The following DNAJA2 variants were observed in gnomAD, a reference collection of about 807,000 sequenced individuals.
DNAJA2 encodes the protein dnaJ homolog subfamily A member 2.
In DNAJA2, 6 loss-of-function variants were observed where a neutral mutation model predicts 49.3. The observed-to-expected ratio is 0.12, with a 90% CI of 0.07 to 0.24. The LOEUF (loss-of-function observed/expected upper bound fraction) is 0.24, where lower values mean the gene tolerates loss of function less well. Ranked by LOEUF, DNAJA2 falls within the 10% of genes least tolerant of loss-of-function variation. The probability of loss-of-function intolerance (pLI) is 1.00; values close to 1 mark genes in which losing one functional copy is unlikely to be tolerated. For missense variants in DNAJA2, 347 were observed against 516.8 expected, an observed-to-expected ratio of 0.67 and a Z score of 3.19; for synonymous variants, 160 against 172.7, an observed-to-expected ratio of 0.93 and a Z score of 0.58.
At chr16:46,960,885 T>G (rs1007670000) in intron 6 of DNAJA2, among the ~76,000 whole-genome samples, 2 of 151,958 alleles carry the variant, frequency 1.3e-5, no homozygotes, top group Non-Finnish European at 2.9e-5. Flanking sequence ...AAACATAAAC[T>G]AGGCTAGTTG....
intron 3 of DNAJA2, 109 bp downstream of exon 3, chr16:46,971,240 T>C: frequency 1.1e-6 from 1 of 891,326 alleles, no homozygotes; most frequent in Non-Finnish European, 1.6e-6. Context: ...CAAATGGAAG[T>C]TTTTCTAATG....
At chr16:46,966,601 A>T (rs1436945913) in intron 5 of DNAJA2, among the ~76,000 whole-genome samples, 1 of 152,190 alleles carries the variant, frequency 6.6e-6, no homozygotes, top group Non-Finnish European at 1.5e-5. Context: ...TGTTTTTATA[A>T]TTAAAATTTT....
rs1167350658 is a variant in DNAJA2, at chr16:46,973,672, A to G, written c.-100T>C. 3.1e-6 allele frequency: 4 copies of G among 1,275,170 alleles called. No individual in the cohort carries two copies. The highest frequency in any genetic ancestry group is 4.2e-5 in the Admixed American group (2 of 47,626). 79.0% of individuals were successfully genotyped at this position (1,275,170 alleles called of 1,614,324 possible). Reference sequence around the variant, plus strand: ...GGCGGCGGCACAGGCCGAGGGAGACAGCGAGGGGGAAGCGGGGGCGGGGCT... The same window carrying G: ...GGCGGCGGCACAGGCCGAGGGAGACGGCGAGGGGGAAGCGGGGGCGGGGCT... On this transcript the variant is annotated 5_prime_UTR_variant, in exon 1 of 9. Coordinates refer to ENST00000317089, the MANE Select transcript of DNAJA2 (RefSeq NM_005880.4).
intron 1 of DNAJA2, 57 bp from the exon 2 acceptor site, chr16:46,972,012 G>C (rs781266311): frequency 5.2e-5 from 63 of 1,202,464 alleles, no homozygotes; most frequent in Non-Finnish European, 7.7e-5. Context: ...TAAAAGTTTT[G>C]TAATAACTTA....
intron 2 of DNAJA2, 151 bp downstream of exon 2, chr16:46,971,738 TAGTACTC>T (rs1962052925): frequency 1.2e-6 from 1 of 853,062 alleles, no homozygotes; most frequent in Non-Finnish European, 1.9e-6. Context: ...CTCAGAATGG[TAGTACTC>T]TTATTCTAAA....
chr16:46,972,127 G>GTAATATAACCAAGTAGACAGCAGCTA, intron 1 of DNAJA2, 172 bp from the exon 2 acceptor site: 1 of 593,190 alleles, frequency 1.7e-6, no homozygotes, highest in East Asian at 2.8e-5. Context: ...GTTTACTAAT[G>GTAATATAACCAAGTAGACAGCAGCTA]TAATATAACC....
intron 2 of DNAJA2, 141 bp downstream of exon 2, chr16:46,971,755 A>T (rs1258330208): frequency 1.1e-6 from 1 of 930,602 alleles, no homozygotes; most frequent in Non-Finnish European, 1.7e-6. Flanking sequence ...CTTATTCTAA[A>T]ACTAAAATAC....
chr16:46,966,392 A>T (rs1210696255), intron 5 of DNAJA2, among the ~76,000 whole-genome samples: 1 of 152,180 alleles, frequency 6.6e-6, no homozygotes, highest in African/African-American at 2.4e-5. Context: ...ATCAACCTGT[A>T]GCTACTTGTT....
rs372523926 is a variant in DNAJA2 at position 46,959,096 on chromosome 16, C to T, written c.954G>A (p.Pro318=). Residue 318 remains proline (P), a synonymous_variant, in exon 8 of 9, where the codon CCG becomes CCA. Coordinates refer to ENST00000317089, the MANE Select transcript of DNAJA2 (RefSeq NM_005880.4). The part of the protein sequence containing the change: ...CVRVVRGEGM[P]QYRNPFEKGD... ...CTTTTTCAAAGGGATTACGATACTG[C>T]GGCATCCCTTCACCTCGAACTACAC... 10 of 1,595,322 alleles carry T rather than the reference C, an allele frequency of 6.3e-6. No individual in the cohort carries two copies. Among genetic ancestry groups the T allele is most frequent in the African/African-American group, 4.2e-5 (3 of 70,776 alleles).
chr16:46,971,623 T>TG (rs1962049303), intron 2 of DNAJA2, 51 bp from the exon 3 acceptor site: 1 of 986,934 alleles, frequency 1.0e-6, no homozygotes, highest in South Asian at 1.6e-5. Context: ...AGTAGAAGAG[T>TG]GGGGAGAAGC....
In DNAJA2 at chr16:46,958,770, CTG is replaced by C. The variant is rs1961853455; in HGVS notation, c.1047+231_1047+232del. The C allele has an allele frequency of 1.7e-5, 7 of 411,560 alleles. No individual in the cohort carries two copies. The South Asian group carries it at 1.9e-4, about 11-fold the overall frequency. 25.5% of individuals were successfully genotyped at this position (411,560 alleles called of 1,614,324 possible). On this transcript the variant is annotated intron_variant, in intron 8 of 8. Coordinates refer to ENST00000317089, the MANE Select transcript of DNAJA2 (RefSeq NM_005880.4). ...CTCCAGCTTGGGTGACACAGTGAGACTGTGTCTCAAAAAATTTTTTTTAAATT... is the reference window on the plus strand; with the variant it reads ...CTCCAGCTTGGGTGACACAGTGAGACTGTCTCAAAAAATTTTTTTTAAATT...
chr16:46,961,581 CAAA>C (rs36085777), intron 6 of DNAJA2, among the ~76,000 whole-genome samples: 12 of 135,386 alleles, frequency 8.9e-5, no homozygotes, highest in African/African-American at 8.3e-5. Context: ...AAGACTGTCT[CAAA>C]AAAAAAAAAA....
intron 6 of DNAJA2, among the ~76,000 whole-genome samples, chr16:46,963,057 G>T (rs1236831638): frequency 6.6e-6 from 1 of 152,054 alleles, no homozygotes; most frequent in African/African-American, 2.4e-5. Context: ...CACCTTTTTA[G>T]AATTAAAAAG....
rs1430102669 is a variant in DNAJA2, at chr16:46,955,403, T to C, written c.*1626A>G. The C allele has an allele frequency of 1.3e-5, 2 of 152,214 alleles. No individual in the cohort carries two copies. Among genetic ancestry groups the C allele is most frequent in the Non-Finnish European group, 2.9e-5 (2 of 68,036 alleles). The allele number at this position is 152,214 out of a possible 1,614,324, so 9.4% of individuals were successfully genotyped here. A position where few individuals can be genotyped will look rare whatever the true frequency, so the allele number is the denominator to read the frequency against. ...TTTATTGGAAAGGCTACAAACTTTA[T>C]ATTGCCACCACATTTCTTATGTTTA... On this transcript the variant is annotated 3_prime_UTR_variant, in exon 9 of 9. Transcript: ENST00000317089.
intron 4 of DNAJA2, 74 bp downstream of exon 4, chr16:46,968,010 C>G (rs1408471546): frequency 1.5e-6 from 2 of 1,342,130 alleles, no homozygotes; most frequent in African/African-American, 3.0e-5. Flanking sequence ...ACAATTTTTA[C>G]GTGGTACAGA....
rs369080423 is a variant in DNAJA2 at position 46,959,062 on chromosome 16, A to G, written c.988T>C (p.Tyr330His). Reference protein sequence around the residue: ...YRNPFEKGDLYIKFDVQFPEN... With the variant: ...YRNPFEKGDLHIKFDVQFPEN... Reference sequence around the variant, plus strand: ...GGAAACTGCACATCAAACTTTATGTAAAGATCACCTTTTTCAAAGGGATTA... The same window carrying G: ...GGAAACTGCACATCAAACTTTATGTGAAGATCACCTTTTTCAAAGGGATTA... The change falls in exon 8 of 9, where the codon TAC (tyrosine) becomes CAC (histidine). Residue 330 changes from tyrosine to histidine, a missense_variant. Tyr to His is a moderately conservative substitution (Grantham distance 83, BLOSUM62 2). Transcript: ENST00000317089. The G allele has an allele frequency of 6.2e-7, 1 of 1,613,282 alleles. No homozygotes were observed. The highest frequency in any genetic ancestry group is 8.5e-7 in the Non-Finnish European group (1 of 1,179,798).
At chr16:46,972,085 G>A (rs536232668) in intron 1 of DNAJA2, 130 bp from the exon 2 acceptor site, 9 of 695,120 alleles carry the variant, frequency 1.3e-5, no homozygotes, top group South Asian at 1.0e-4. Flanking sequence ...TTTTCTATTC[G>A]TAGGGATTCT....
At chr16:46,957,265 T>A in intron 8 of DNAJA2, 45 bp from the exon 9 acceptor site, 1 of 1,504,680 alleles carries the variant, frequency 6.6e-7, no homozygotes, top group Non-Finnish European at 8.9e-7. Context: ...AATATTTTCA[T>A]CAACTTTCCT....
rs1961807852 is a variant in DNAJA2 at position 46,956,171 on chromosome 16, G to A, written c.*858C>T. 6.6e-6 allele frequency: 1 copy of A among 152,118 alleles called. No individual in the cohort carries two copies. The highest frequency in any genetic ancestry group is 1.5e-5 in the Non-Finnish European group (1 of 68,034). The allele number at this position is 152,118 out of a possible 1,614,324, so 9.4% of individuals were successfully genotyped here. A position where few individuals can be genotyped will look rare whatever the true frequency, so the allele number is the denominator to read the frequency against. Reference sequence around the variant, plus strand: ...AGTCAGGCTAGCCCAGTGCTTGGGAGTTACAGCACTCAAGACACCCTGGCC... The same window carrying A: ...AGTCAGGCTAGCCCAGTGCTTGGGAATTACAGCACTCAAGACACCCTGGCC... On this transcript the variant is annotated 3_prime_UTR_variant, in exon 9 of 9. Coordinates refer to ENST00000317089, the MANE Select transcript of DNAJA2 (RefSeq NM_005880.4).
Sources: allele counts gnomAD v4.1 joint callset (sites outside exome capture counted in the v4.1 genomes callset), GRCh38; gene constraint gnomAD v4.1.1; transcripts MANE v1.5; gene names NCBI Gene and HGNC (gene_info 2026-07-23, HGNC 2026-07-21).